The following DAB1 variants were observed in gnomAD, a reference collection of about 807,000 sequenced individuals.
DAB1 encodes disabled homolog 1.
A neutral mutation model predicts 64.6 loss-of-function variants in DAB1; 15 were observed. The observed-to-expected ratio is 0.23, with a 90% CI of 0.16 to 0.36. The LOEUF is 0.36. Ranked by LOEUF, DAB1 falls within the 10% of genes least tolerant of loss-of-function variation. The pLI, the probability that DAB1 is intolerant of heterozygous loss-of-function variation, is 1.00. For synonymous variants in DAB1, 235 were observed against 251.9 expected (o/e 0.93, Z 0.64); for missense variants, 596 against 706.7 (o/e 0.84, Z 1.78).
chr1:58,544,003 T>A (rs549992509), intron 1 of DAB1, among the ~76,000 whole-genome samples: 18 of 152,326 alleles, frequency 1.2e-4, no homozygotes, highest in African/African-American at 3.8e-4. Context: ...AGTACAGGTT[T>A]GTAGGGTCCA....
rs144846775 is a variant in DAB1 at position 58,413,717 on chromosome 1, G to T, written n.258-70314C>A. ...GTGTATCATATTCTGTAATTACACT[G>T]ATGGTATTTAATATAGAACATATTC... On this transcript the variant is annotated intron_variant and non_coding_transcript_variant, in intron 3 of 20. Coordinates refer to the DAB1 transcript ENST00000485760. Among the ~76,000 whole-genome samples, 492 of 152,298 alleles carry T rather than the reference G, an allele frequency of 3.2e-3. 2 individuals are homozygous for T. The highest frequency in any genetic ancestry group is 0.011 in the African/African-American group (466 of 41,556).
rs181218524 is a variant in DAB1 at position 57,400,481 on chromosome 1, T to C, written c.-137+23449A>G. Among the ~76,000 whole-genome samples the C allele has an allele frequency of 3.7e-3, 554 of 151,398 alleles. 3 individuals are homozygous for C. Among genetic ancestry groups the C allele is most frequent in the Non-Finnish European group, 4.7e-3 (318 of 67,980 alleles). ...CAAAGTAGATGGTTCTTTCCACTAA[T>C]ACAACCATGGTGGACCTACCATGAC... On this transcript the variant is annotated intron_variant, in intron 1 of 14. Coordinates refer to ENST00000371236, the MANE Select transcript of DAB1 (RefSeq NM_001365792.1).
chr1:57,998,031 A>C (rs1353619209), intron 5 of DAB1, among the ~76,000 whole-genome samples: 1 of 152,178 alleles, frequency 6.6e-6, no homozygotes, highest in Non-Finnish European at 1.5e-5. Flanking sequence ...GAATAAAGGT[A>C]GGAGGGGAAT....
At chr1:57,154,232 G>A (rs1401852948) in intron 2 of DAB1, among the ~76,000 whole-genome samples, 1 of 152,016 alleles carries the variant, frequency 6.6e-6, no homozygotes, top group South Asian at 2.1e-4. Context: ...TTACTCTCCA[G>A]CTCTATGAAT....
chr1:58,300,632 G>GAC (rs1362221474), intron 4 of DAB1, among the ~76,000 whole-genome samples: 34 of 69,830 alleles, frequency 4.9e-4, no homozygotes, highest in African/African-American at 1.7e-3. Context: ...GAGAGAGAGA[G>GAC]AGAGAGAGAG....
chr1:58,395,723 A>G, intron 3 of DAB1, among the ~76,000 whole-genome samples: 1 of 152,226 alleles, frequency 6.6e-6, no homozygotes, highest in East Asian at 1.9e-4. Context: ...GTCTAGAAGC[A>G]GGTAGTCTGT....
At chr1:57,410,799 T>C (rs1266936347) in intron 1 of DAB1, among the ~76,000 whole-genome samples, 2 of 152,242 alleles carry the variant, frequency 1.3e-5, no homozygotes, top group Non-Finnish European at 2.9e-5. Flanking sequence ...TCTTTTCTTT[T>C]CCTTAATCTT....
At chr1:57,220,622 A>T (rs1666790856) in intron 2 of DAB1, among the ~76,000 whole-genome samples, 1 of 152,218 alleles carries the variant, frequency 6.6e-6, no homozygotes, top group Non-Finnish European at 1.5e-5. Context: ...AAAAGAAGAC[A>T]TTTATGCAGC....
chr1:58,433,555 G>C (rs1248079693), intron 3 of DAB1, among the ~76,000 whole-genome samples: 2 of 150,626 alleles, frequency 1.3e-5, no homozygotes, highest in African/African-American at 4.9e-5. Flanking sequence ...AAGGGCAAGA[G>C]AGTCCATGCA....
rs375940905 is a variant in DAB1 at position 57,015,051 on chromosome 1, C to T, written c.1276G>A (p.Val426Met). 5.0e-5 allele frequency: 81 copies of T among 1,613,936 alleles called. No individual in the cohort carries two copies. Among genetic ancestry groups the T allele is most frequent in the South Asian group, 2.1e-4 (19 of 91,062 alleles). ...GGCTGGTCGGGTTTGCGGGAGGGCA[C>T]GGGCGGAGGCTGGGCCATCTGGAAA... ...KDFQMAQPPP[V>M]PSRKPDQPSL... The change falls in exon 12 of 15, where the codon GTG (valine) becomes ATG (methionine). Residue 426 changes from valine (V) to methionine (M), a missense_variant. Physicochemically the swap from Val to Met is conservative, Grantham distance 21. This residue lies in a region of DAB1 where 377 missense variants were observed against 400.4 expected (regional missense o/e 0.94). Coordinates refer to ENST00000371236, the MANE Select transcript of DAB1 (RefSeq NM_001365792.1).
chr1:57,139,232 G>T (rs1658376733), intron 3 of DAB1, among the ~76,000 whole-genome samples: 1 of 152,146 alleles, frequency 6.6e-6, no homozygotes, highest in South Asian at 2.1e-4. Flanking sequence ...TCATAGAGGG[G>T]ATTAGCGTTC....
chr1:57,454,803 C>T (rs1466923304), intron 7 of DAB1, among the ~76,000 whole-genome samples: 2 of 152,066 alleles, frequency 1.3e-5, no homozygotes, highest in Non-Finnish European at 2.9e-5. Context: ...GCTTAACAGA[C>T]CTTTACTATA....
chr1:57,860,126 T>C (rs1000704103), intron 1 of DAB1, among the ~76,000 whole-genome samples: 4 of 152,218 alleles, frequency 2.6e-5, no homozygotes, highest in Non-Finnish European at 5.9e-5. Flanking sequence ...TATGGGTAAC[T>C]GGATCCTGGT....
At chr1:57,667,871 T>C (rs1358983290) in intron 6 of DAB1, among the ~76,000 whole-genome samples, 1 of 151,872 alleles carries the variant, frequency 6.6e-6, no homozygotes. Flanking sequence ...CACTGGGGCC[T>C]GTCAGGGGTT....
intron 4 of DAB1, among the ~76,000 whole-genome samples, chr1:57,098,127 G>A (rs1379020758): frequency 6.6e-6 from 1 of 152,078 alleles, no homozygotes; most frequent in Non-Finnish European, 1.5e-5. Flanking sequence ...TCACAGAGTT[G>A]ATAAACCTCC....
At chr1:57,271,376 C>A (rs1670983467) in intron 2 of DAB1, among the ~76,000 whole-genome samples, 1 of 152,196 alleles carries the variant, frequency 6.6e-6, no homozygotes, top group Non-Finnish European at 1.5e-5. Context: ...GAAGGAAAAA[C>A]AACTGGTTTT....
intron 4 of DAB1, among the ~76,000 whole-genome samples, chr1:58,244,820 AC>A: frequency 6.6e-6 from 1 of 152,178 alleles, no homozygotes; most frequent in Non-Finnish European, 1.5e-5. Context: ...GGAGGATGAA[AC>A]CAGAGAATAC....
At chr1:57,143,018 G>A (rs1049430615) in intron 3 of DAB1, among the ~76,000 whole-genome samples, 3 of 152,166 alleles carry the variant, frequency 2.0e-5, no homozygotes, top group East Asian at 3.9e-4. Context: ...ACTAGGGTCC[G>A]CTTGGGATGG....
At chr1:57,130,446 T>C (rs1657554608) in intron 4 of DAB1, among the ~76,000 whole-genome samples, 1 of 152,122 alleles carries the variant, frequency 6.6e-6, no homozygotes, top group Non-Finnish European at 1.5e-5. Flanking sequence ...GTATTGAAGA[T>C]CTATCTGCAC....
Sources: allele counts gnomAD v4.1 joint callset (sites outside exome capture counted in the v4.1 genomes callset), GRCh38; gene constraint gnomAD v4.1.1; regional missense constraint gnomAD v4.1.1; transcripts MANE v1.5; gene names NCBI Gene and HGNC (gene_info 2026-07-23, HGNC 2026-07-21).